COP1: variants seen among roughly 807,000 people sequenced by gnomAD.
COP1 encodes E3 ubiquitin-protein ligase COP1.
COP1 carries 24 observed loss-of-function variants against 101.3 expected under a neutral mutation model. The ratio of observed to expected loss-of-function variants is 0.24; its 90% CI spans 0.17 to 0.33. The LOEUF (loss-of-function observed/expected upper bound fraction) is 0.33, where lower values mean the gene tolerates loss of function less well. COP1 is among the 10% of genes least tolerant of loss of function. The pLI is 1.00. For synonymous variants in COP1, 347 were observed against 341.9 expected, an observed-to-expected ratio of 1.01 and a Z score of -0.17; for missense variants, 663 against 906.2, an observed-to-expected ratio of 0.73 and a Z score of 3.45.
chr1:175,994,861 C>A (rs573150318), intron 15 of COP1, among the ~76,000 whole-genome samples: 10 of 152,232 alleles, frequency 6.6e-5, no homozygotes, highest in Middle Eastern at 3.4e-3. Flanking sequence ...ACAAGGATAT[C>A]CAGGAATTGA....
intron 3 of COP1, among the ~76,000 whole-genome samples, chr1:176,175,001 G>C (rs544013252): frequency 1.2e-4 from 19 of 152,072 alleles, no homozygotes; most frequent in Non-Finnish European, 2.2e-4. Context: ...TTATACTTAA[G>C]GATTCCCTAT....
At chr1:176,028,206 C>T (rs1408585916) in intron 14 of COP1, among the ~76,000 whole-genome samples, 2 of 152,092 alleles carry the variant, frequency 1.3e-5, no homozygotes, top group South Asian at 4.1e-4. Context: ...AACCATATCA[C>T]TGAATGACTG....
intron 15 of COP1, among the ~76,000 whole-genome samples, chr1:175,990,141 T>C (rs538220392): frequency 6.6e-6 from 1 of 152,266 alleles, no homozygotes; most frequent in South Asian, 2.1e-4. Flanking sequence ...TGTGATATGA[T>C]GTGTTTCCAT....
intron 19 of COP1, among the ~76,000 whole-genome samples, chr1:175,945,712 A>T (rs983250324): frequency 6.6e-6 from 1 of 152,212 alleles, no homozygotes; most frequent in Non-Finnish European, 1.5e-5. Flanking sequence ...ATATTGCTAA[A>T]ACTAAGAGGA....
chr1:176,186,457 C>T (rs112847513), intron 1 of COP1, among the ~76,000 whole-genome samples: 3,821 of 152,138 alleles, frequency 0.025, 154 homozygotes, highest in African/African-American at 0.087. Flanking sequence ...AGAATGATCA[C>T]TTGAGCACAG....
intron 1 of COP1, among the ~76,000 whole-genome samples, chr1:176,189,999 A>G (rs373398205): frequency 1.3e-5 from 2 of 152,096 alleles, no homozygotes; most frequent in African/African-American, 4.8e-5. Context: ...GTAAATAAGC[A>G]TAATGAATAA....
intron 14 of COP1, among the ~76,000 whole-genome samples, chr1:176,028,305 C>T (rs1309975485): frequency 1.3e-5 from 2 of 151,996 alleles, no homozygotes; most frequent in Non-Finnish European, 2.9e-5. Context: ...TGGCTCATGA[C>T]TGTAATCACA....
rs542492849 is a variant in COP1, at chr1:176,187,402, C to T, written c.408-2710G>A. Among the ~76,000 whole-genome samples the T allele has an allele frequency of 7.8e-3, 1,165 of 149,524 alleles. 7 individuals are homozygous for T. Among genetic ancestry groups the T allele is most frequent in the South Asian group, 0.031 (148 of 4,712 alleles). On this transcript the variant is annotated intron_variant, in intron 1 of 19. Coordinates refer to ENST00000367669, the MANE Select transcript of COP1 (RefSeq NM_022457.7). ...ACATATATATACACATATAAATATA[C>T]GTGTGTGTGTGTGTGTGTGTGTGTG...
At chr1:175,993,851 C>T (rs1659360560) in intron 15 of COP1, among the ~76,000 whole-genome samples, 1 of 152,172 alleles carries the variant, frequency 6.6e-6, no homozygotes, top group African/African-American at 2.4e-5. Flanking sequence ...CTTCCCCAAT[C>T]TAGCAAGGCA....
intron 14 of COP1, among the ~76,000 whole-genome samples, chr1:176,033,682 G>A (rs982244118): frequency 6.6e-6 from 1 of 151,854 alleles, no homozygotes; most frequent in Non-Finnish European, 1.5e-5. Context: ...ACATAATGAT[G>A]GTTCTTTAAC....
At position 176,152,525 on chromosome 1, in the gene COP1, G is replaced by T. The variant is rs1692785004; in HGVS notation, c.763-3451C>A. Among the ~76,000 whole-genome samples, 7 of 151,628 alleles carry T rather than the reference G, an allele frequency of 4.6e-5. No homozygotes were observed. The South Asian group carries it at 1.5e-3, about 32-fold the overall frequency. On this transcript the variant is annotated intron_variant, in intron 5 of 19. Coordinates refer to ENST00000367669, the MANE Select transcript of COP1 (RefSeq NM_022457.7). Reference sequence around the variant, plus strand: ...TACAGTAGCACGATCTCAGCTCACTGCAGCCTCCGCTCCCCAAGGTGAAGC... The same window carrying T: ...TACAGTAGCACGATCTCAGCTCACTTCAGCCTCCGCTCCCCAAGGTGAAGC...
chr1:176,200,115 T>C (rs1476947369), intron 1 of COP1, among the ~76,000 whole-genome samples: 1 of 152,192 alleles, frequency 6.6e-6, no homozygotes, highest in Non-Finnish European at 1.5e-5. Flanking sequence ...ATGGGCCACA[T>C]TTCCTCATCT....
intron 14 of COP1, among the ~76,000 whole-genome samples, chr1:176,028,707 A>ATATGAAAC (rs1668130661): frequency 7.9e-6 from 1 of 126,716 alleles, no homozygotes; most frequent in East Asian, 2.5e-4. Context: ...ATATATATAT[A>ATATGAAAC]TATATATATA....
rs151026649 is a variant in COP1 at position 175,962,081 on chromosome 1, T to TC, written c.2134-14843dup. Among the ~76,000 whole-genome samples the TC allele has an allele frequency of 6.2e-3, 940 of 152,152 alleles. 13 individuals carry two copies. Among genetic ancestry groups the TC allele is most frequent in the African/African-American group, 0.021 (887 of 41,536 alleles). On this transcript the variant is annotated intron_variant, in intron 18 of 19. Coordinates refer to ENST00000367669, the MANE Select transcript of COP1 (RefSeq NM_022457.7). Reference sequence around the variant, plus strand: ...GAATTTTATTTATGGATAACAAAAGTCAGTGACTGCCTTTATGCAAAAAAT... The same window carrying TC: ...GAATTTTATTTATGGATAACAAAAGTCCAGTGACTGCCTTTATGCAAAAAAT...
intron 16 of COP1, 165 bp downstream of exon 16, chr1:175,989,197 C>G: frequency 2.1e-6 from 1 of 471,220 alleles, no homozygotes; most frequent in Non-Finnish European, 3.8e-6. Context: ...AGACCAGAAA[C>G]CACACTACTT....
At position 176,085,946 on chromosome 1, in the gene COP1, C is replaced by T. The variant is rs924746281; in HGVS notation, c.1027-56G>A. 1.9e-4 allele frequency: 168 copies of T among 905,836 alleles called. 1 individual carries two copies. The highest frequency in any genetic ancestry group is 2.8e-5 in the Non-Finnish European group (16 of 580,434). The allele number at this position is 905,836 out of a possible 1,614,324, so 56.1% of individuals were successfully genotyped here. ...GAATAAACAATACTCTTCTTTTGCA[C>T]AGAATACTCAAATGTTTGAGCATTT... On this transcript the variant is annotated intron_variant, in intron 9 of 19. Transcript: ENST00000367669.
At chr1:176,115,614 T>C (rs564282793) in intron 9 of COP1, among the ~76,000 whole-genome samples, 13 of 151,670 alleles carry the variant, frequency 8.6e-5, no homozygotes, top group African/African-American at 3.2e-4. Flanking sequence ...CTGGGCGTGG[T>C]GGCGCGTGCC....
intron 15 of COP1, among the ~76,000 whole-genome samples, chr1:175,992,968 A>G (rs1300957989): frequency 6.6e-6 from 1 of 152,108 alleles, no homozygotes; most frequent in African/African-American, 2.4e-5. Flanking sequence ...CCTGACCCCC[A>G]AGCAGCCTAA....
intron 9 of COP1, among the ~76,000 whole-genome samples, chr1:176,086,884 C>G (rs893096970): frequency 6.6e-6 from 1 of 152,174 alleles, no homozygotes; most frequent in Admixed American, 6.5e-5. Context: ...GTAACCAAAA[C>G]AGCATGGTAC....
Sources: gnomAD v4.1 joint callset for allele counts (sites outside exome capture counted in the v4.1 genomes callset) on GRCh38, gnomAD v4.1.1 for gene constraint, MANE v1.5 for transcripts, NCBI Gene and HGNC (gene_info 2026-07-23, HGNC 2026-07-21) for gene names.